ABCC6: variants seen among roughly 807,000 people sequenced by gnomAD.
ABCC6 encodes ATP binding cassette subfamily C member 6, also known as ATP-binding cassette sub-family C member 6.
A neutral mutation model predicts 169.5 loss-of-function variants in ABCC6; 126 were observed. The observed-to-expected ratio is 0.74, with a 90% CI of 0.64 to 0.86. ABCC6 has a LOEUF of 0.86. Among genes scored for constraint, ABCC6 ranks in the 40% least tolerant of loss-of-function variants. The probability of loss-of-function intolerance (pLI) is 0.00; values close to 1 mark genes in which losing one functional copy is unlikely to be tolerated. For missense variants in ABCC6, 1,733 were observed against 1,927.2 expected (o/e 0.90, Z 1.89); for synonymous variants, 752 against 814.7 (o/e 0.92, Z 1.31).
chr16:16,169,053 C>T (rs1230632008), intron 22 of ABCC6, among the ~76,000 whole-genome samples: 2 of 152,224 alleles, frequency 1.3e-5, no homozygotes, highest in East Asian at 3.9e-4. Flanking sequence ...TGCCCTCCAG[C>T]CCGGGCAACA....
At chr16:16,208,447 A>G (rs544698742) in intron 7 of ABCC6, among the ~76,000 whole-genome samples, 93 of 151,382 alleles carry the variant, frequency 6.1e-4, no homozygotes, top group African/African-American at 2.1e-3. Flanking sequence ...ATCTCCACTC[A>G]CTGCAACCTC....
At chr16:16,171,963 G>GGTGGGATGGATAAATGA (rs2047097187) in intron 21 of ABCC6, among the ~76,000 whole-genome samples, 1 of 127,944 alleles carries the variant, frequency 7.8e-6, no homozygotes, top group Non-Finnish European at 1.7e-5. Flanking sequence ...TGAGTGGTTG[G>GGTGGGATGGATAAATGA]GTGGGTGGGA....
intron 4 of ABCC6, 81 bp from the exon 5 acceptor site, chr16:16,214,530 C>T: frequency 6.5e-7 from 1 of 1,549,506 alleles, no homozygotes; most frequent in Non-Finnish European, 8.7e-7. Context: ...GATCTTGGGT[C>T]AGTGCCCACT....
At chr16:16,214,801 G>A (rs182789241) in intron 4 of ABCC6, among the ~76,000 whole-genome samples, 2 of 152,038 alleles carry the variant, frequency 1.3e-5, no homozygotes, top group Non-Finnish European at 2.9e-5. Context: ...GTAGAGATGG[G>A]GTTTTGCCAT....
In ABCC6 at chr16:16,163,043, A is replaced by T. The variant is rs766135952; in HGVS notation, c.3456T>A (p.Ala1152=). 1 of 1,613,978 alleles carries T rather than the reference A, an allele frequency of 6.2e-7. No homozygotes were observed. Among genetic ancestry groups the T allele is most frequent in the South Asian group, 1.1e-5 (1 of 91,080 alleles). Residue 1152 remains alanine (A), a synonymous_variant, in exon 24 of 31, where the codon GCT becomes GCA. Coordinates refer to ENST00000205557, the MANE Select transcript of ABCC6 (RefSeq NM_001171.6). ...TQAPFVAQNN[A]RVDESQRISF... ...TGATCCTCTGGCTTTCATCTACGCG[A>T]GCATTGTTCTGAGCCACAAAGGGGG...
intron 2 of ABCC6, among the ~76,000 whole-genome samples, chr16:16,220,634 A>G (rs2049039870): frequency 6.6e-6 from 1 of 152,160 alleles, no homozygotes; most frequent in Admixed American, 6.5e-5. Flanking sequence ...GGTGGCTTAC[A>G]CCTGTAATCC....
chr16:16,199,774 A>G (rs1376159700), intron 9 of ABCC6, among the ~76,000 whole-genome samples: 2 of 144,484 alleles, frequency 1.4e-5, no homozygotes, highest in African/African-American at 5.0e-5. Flanking sequence ...TATAATAAAG[A>G]TTTATATAAC....
At chr16:16,213,269 A>G (rs1442460468) in intron 5 of ABCC6, among the ~76,000 whole-genome samples, 1 of 151,460 alleles carries the variant, frequency 6.6e-6, no homozygotes, top group African/African-American at 2.4e-5. Context: ...ATTTTTAAAA[A>G]CCTTTTTGTA....
At chr16:16,170,842 C>G (rs1034437203) in intron 21 of ABCC6, among the ~76,000 whole-genome samples, 1 of 135,300 alleles carries the variant, frequency 7.4e-6, no homozygotes, top group Non-Finnish European at 1.5e-5. Flanking sequence ...TCGTTTGAAG[C>G]CAGGAGGTGG....
At chr16:16,193,799 G>C (rs2047945109) in intron 10 of ABCC6, among the ~76,000 whole-genome samples, 1 of 152,170 alleles carries the variant, frequency 6.6e-6, no homozygotes, top group Non-Finnish European at 1.5e-5. Flanking sequence ...CCCTCTTTTG[G>C]GATCTGGATC....
At chr16:16,181,828 G>A (rs2047483590) in intron 17 of ABCC6, 1 of 158,370 alleles carries the variant, frequency 6.3e-6, no homozygotes, top group African/African-American at 2.4e-5. Context: ...AGCTACTCAG[G>A]AGGCTGAGGT....
At chr16:16,157,218 G>C (rs943468909) in intron 27 of ABCC6, among the ~76,000 whole-genome samples, 37 of 152,226 alleles carry the variant, frequency 2.4e-4, no homozygotes, top group Middle Eastern at 3.4e-3. Flanking sequence ...CATGTTCTAT[G>C]TATTAACTCA....
At chr16:16,221,220 C>T (rs2049058971) in intron 2 of ABCC6, 1 of 964,848 alleles carries the variant, frequency 1.0e-6, no homozygotes. Context: ...ATTTAACACA[C>T]TAAGGTAAAT....
At chr16:16,191,267 C>A (rs2047845599) in intron 11 of ABCC6, among the ~76,000 whole-genome samples, 1 of 152,128 alleles carries the variant, frequency 6.6e-6, no homozygotes. Flanking sequence ...AGGCGCCCGC[C>A]ACCACGCCCG....
At chr16:16,166,789 G>T (rs373111964) in intron 22 of ABCC6, among the ~76,000 whole-genome samples, 13 of 152,250 alleles carry the variant, frequency 8.5e-5, no homozygotes, top group African/African-American at 3.1e-4. Context: ...TACTCAGGAG[G>T]CTGAGTCAGG....
intron 9 of ABCC6, among the ~76,000 whole-genome samples, chr16:16,199,048 T>C (rs11646990): frequency 0.2 from 20,562 of 102,822 alleles, 2,749 homozygotes; most frequent in Admixed American, 0.26. Flanking sequence ...CCTGTGGTCC[T>C]AGCTAGCTAC....
chr16:16,190,344 G>A lies in ABCC6; in HGVS notation c.1455C>T (p.Asp485=). ...HHQEEQMRQK[D]SRARLTSSIL... is the part of the protein sequence containing the mutation. ...TAGAGCTGGTGAGCCGTGCCCGTGA[G>A]TCCTTCTGCCTCATTTGCTCCTCCT... The change falls in exon 12 of 31, where the codon GAC becomes GAT. Residue 485 remains aspartate (D), a synonymous_variant. Coordinates refer to ENST00000205557, the MANE Select transcript of ABCC6 (RefSeq NM_001171.6). 2 of 1,614,164 alleles carry A rather than the reference G, an allele frequency of 1.2e-6. No homozygotes were observed. Among genetic ancestry groups the A allele is most frequent in the Non-Finnish European group, 1.7e-6 (2 of 1,180,044 alleles).
chr16:16,150,841 A>G (rs559762066), intron 29 of ABCC6, 69 bp from the exon 30 acceptor site: 1 of 1,576,256 alleles, frequency 6.3e-7, no homozygotes, highest in East Asian at 2.3e-5. Context: ...GGGTGTGCCC[A>G]GAAACAGGTC....
chr16:16,195,524 G>T (rs1275529328), intron 10 of ABCC6, among the ~76,000 whole-genome samples: 1 of 151,960 alleles, frequency 6.6e-6, no homozygotes, highest in Non-Finnish European at 1.5e-5. Context: ...TGTTGGCCAG[G>T]CTGGTCTTGA....
Sources: gnomAD v4.1 joint callset for allele counts (sites outside exome capture counted in the v4.1 genomes callset) on GRCh38, gnomAD v4.1.1 for gene constraint, MANE v1.5 for transcripts, NCBI Gene and HGNC (gene_info 2026-07-23, HGNC 2026-07-21) for gene names.